GALNT13: variants seen among roughly 807,000 people sequenced by gnomAD.
GALNT13 encodes UDP-GalNAc:polypeptide N-acetylgalactosaminyltransferase 13.
GALNT13 carries 28 observed loss-of-function variants against 64.2 expected under a neutral mutation model. That is an observed-to-expected ratio of 0.44 (90% CI 0.32 to 0.60). GALNT13 has a LOEUF of 0.60. Among genes scored for constraint, GALNT13 ranks in the 20% least tolerant of loss-of-function variants. The pLI, the probability that GALNT13 is intolerant of heterozygous loss-of-function variation, is 0.05. For synonymous variants in GALNT13, 214 were observed against 224.6 expected (o/e 0.95, Z 0.42); for missense variants, 577 against 669.8 (o/e 0.86, Z 1.53).
At chr2:153,340,646 C>G in the GALNT13 span, among the ~76,000 whole-genome samples, 3 of 147,264 alleles carry the variant, frequency 2.0e-5, no homozygotes, top group African/African-American at 7.6e-5. Context: ...CAGAGCAAGA[C>G]TCCATCTCAG....
At chr2:154,008,387 C>G (rs933449174) in intron 3 of GALNT13, among the ~76,000 whole-genome samples, 2 of 152,064 alleles carry the variant, frequency 1.3e-5, no homozygotes, top group African/African-American at 4.8e-5. Flanking sequence ...ACCACTTGTG[C>G]TAACAATTTC....
At chr2:153,693,540 T>C in the GALNT13 span, among the ~76,000 whole-genome samples, 1 of 152,054 alleles carries the variant, frequency 6.6e-6, no homozygotes, top group Non-Finnish European at 1.5e-5. Context: ...AGGTTAAGAA[T>C]GTGACTCGGG....
chr2:153,364,289 T>C, the GALNT13 span, among the ~76,000 whole-genome samples: 3 of 152,126 alleles, frequency 2.0e-5, no homozygotes, highest in Non-Finnish European at 4.4e-5. Context: ...TCATACTGAA[T>C]TGGCAAAACC....
At chr2:153,463,379 CCT>C in the GALNT13 span, among the ~76,000 whole-genome samples, 1 of 152,142 alleles carries the variant, frequency 6.6e-6, no homozygotes, top group East Asian at 1.9e-4. Context: ...GAACATGTAG[CCT>C]CTCTCTGAAC....
chr2:153,652,479 G>A, the GALNT13 span, among the ~76,000 whole-genome samples: 3 of 152,074 alleles, frequency 2.0e-5, no homozygotes, highest in Non-Finnish European at 4.4e-5. Context: ...GCCGGGCGTG[G>A]TGTCATCTGC....
chr2:154,363,954 A>G (rs191245383), intron 9 of GALNT13, among the ~76,000 whole-genome samples: 244 of 152,308 alleles, frequency 1.6e-3, no homozygotes, highest in African/African-American at 5.2e-3. Context: ...TTCAACATAT[A>G]TCTTTCAATA....
intron 3 of GALNT13, among the ~76,000 whole-genome samples, chr2:154,040,219 A>G (rs10432513): frequency 0.7 from 97,095 of 138,600 alleles, 39,049 homozygotes; most frequent in East Asian, 0.96. Flanking sequence ...TTTGGAGGAT[A>G]GGGTGAACTA....
chr2:153,185,193 G>T, the GALNT13 span, among the ~76,000 whole-genome samples: 1 of 152,006 alleles, frequency 6.6e-6, no homozygotes. Context: ...GTCTTAGGAG[G>T]GTACATGTGT....
At chr2:154,228,785 G>A (rs144003215) in intron 4 of GALNT13, among the ~76,000 whole-genome samples, 298 of 152,234 alleles carry the variant, frequency 2.0e-3, no homozygotes, top group Non-Finnish European at 3.4e-3. Flanking sequence ...TCATTTTCAG[G>A]ATGTGGTGAT....
chr2:153,756,799 G>A, the GALNT13 span, among the ~76,000 whole-genome samples: 11 of 152,068 alleles, frequency 7.2e-5, no homozygotes, highest in Non-Finnish European at 1.3e-4. Flanking sequence ...AAATACAGCT[G>A]GGCCTTCCTT....
the GALNT13 span, among the ~76,000 whole-genome samples, chr2:153,197,654 G>A: frequency 6.6e-6 from 1 of 152,228 alleles, no homozygotes; most frequent in Non-Finnish European, 1.5e-5. Flanking sequence ...GTGTTTGAGT[G>A]GTTGTGTGGC....
chr2:154,069,843 A>AT (rs772062530), intron 3 of GALNT13, among the ~76,000 whole-genome samples: 17 of 152,090 alleles, frequency 1.1e-4, no homozygotes, highest in Non-Finnish European at 1.8e-4. Context: ...AATTTACAAA[A>AT]TACATGTCTG....
chr2:154,397,171 C>G (rs535110840), intron 10 of GALNT13, among the ~76,000 whole-genome samples: 3 of 152,156 alleles, frequency 2.0e-5, no homozygotes, highest in Non-Finnish European at 2.9e-5. Context: ...AGCAGTGGTT[C>G]ACGACTGTAA....
chr2:153,531,651 A>T, the GALNT13 span, among the ~76,000 whole-genome samples: 1 of 152,162 alleles, frequency 6.6e-6, no homozygotes, highest in African/African-American at 2.4e-5. Flanking sequence ...CACAGTCCAA[A>T]ATCTCATCTG....
At chr2:153,870,446 T>G (rs1449910765), upstream of GALNT13, among the ~76,000 whole-genome samples, 1 of 152,000 alleles carries the variant, frequency 6.6e-6, no homozygotes, top group African/African-American at 2.4e-5. Flanking sequence ...TTTTTCTCAG[T>G]ATGCCATGTA....
the GALNT13 span, among the ~76,000 whole-genome samples, chr2:153,846,815 C>T: frequency 6.6e-6 from 1 of 152,104 alleles, no homozygotes; most frequent in Non-Finnish European, 1.5e-5. Flanking sequence ...ACAATTGCAT[C>T]TGCACCAAAC....
At chr2:154,433,349 A>C (rs1574296285) in intron 11 of GALNT13, among the ~76,000 whole-genome samples, 2 of 152,292 alleles carry the variant, frequency 1.3e-5, no homozygotes, top group South Asian at 4.1e-4. Context: ...AGAGGTGCTC[A>C]GAGATGGGAA....
the GALNT13 span, among the ~76,000 whole-genome samples, chr2:153,795,605 T>C: frequency 2.0e-5 from 3 of 152,258 alleles, no homozygotes; most frequent in Non-Finnish European, 4.4e-5. Context: ...CTTTGGAAGT[T>C]TACTTTATGA....
At chr2:153,179,012 G>A in the GALNT13 span, among the ~76,000 whole-genome samples, 880 of 151,796 alleles carry the variant, frequency 5.8e-3, 8 homozygotes, top group African/African-American at 0.02. Context: ...CAAAGTGCTG[G>A]GATTACAGGC....
Sources: gnomAD v4.1 joint callset for allele counts (sites outside exome capture counted in the v4.1 genomes callset) on GRCh38, gnomAD v4.1.1 for gene constraint, MANE v1.5 for transcripts, NCBI Gene and HGNC (gene_info 2026-07-23, HGNC 2026-07-21) for gene names.